The following MYO9A variants were observed in gnomAD, a reference collection of about 807,000 sequenced individuals.
MYO9A encodes myosin IXA, also known as unconventional myosin-IXa.
A neutral mutation model predicts 293.3 loss-of-function variants in MYO9A; 103 were observed. That is an observed-to-expected ratio of 0.35 (90% CI 0.30 to 0.41). The LOEUF (loss-of-function observed/expected upper bound fraction) is 0.41. Among genes scored for constraint, MYO9A ranks in the 10% least tolerant of loss-of-function variants. MYO9A has a pLI of 1.00. For missense variants in MYO9A, 2,685 were observed against 3,033.0 expected, an observed-to-expected ratio of 0.89 and a Z score of 2.69; for synonymous variants, 1,001 against 1,035.7, an observed-to-expected ratio of 0.97 and a Z score of 0.64.
chr15:71,869,104 T>C (rs1156708724), intron 32 of MYO9A, among the ~76,000 whole-genome samples: 2 of 152,176 alleles, frequency 1.3e-5, no homozygotes, highest in Admixed American at 6.5e-5. Context: ...ATCACAGCAA[T>C]TGATTCAGTC....
At position 71,823,651 on chromosome 15, in the gene MYO9A, GC is replaced by G. The variant is rs773282561; in HGVS notation, c.*2928del. 6.6e-6 allele frequency: 1 copy of G among 152,162 alleles called. No individual in the cohort carries two copies. Among genetic ancestry groups the G allele is most frequent in the Non-Finnish European group, 1.5e-5 (1 of 68,036 alleles). 9.4% of individuals were successfully genotyped at this position (152,162 alleles called of 1,614,324 possible). On this transcript the variant is annotated 3_prime_UTR_variant, in exon 42 of 42. Transcript: ENST00000356056. ...ATACAGAATGAAATCACACTTCTCTGCTTTTGTTACATTTTCCATAATAAGT... is the reference window on the plus strand; with the variant it reads ...ATACAGAATGAAATCACACTTCTCTGTTTTGTTACATTTTCCATAATAAGT...
At chr15:72,005,443 T>C (rs1282691768) in intron 8 of MYO9A, among the ~76,000 whole-genome samples, 2 of 152,204 alleles carry the variant, frequency 1.3e-5, no homozygotes, top group African/African-American at 4.8e-5. Flanking sequence ...AGTAAGACCA[T>C]TAGCCACAAT....
intron 32 of MYO9A, among the ~76,000 whole-genome samples, chr15:71,872,626 G>C (rs928348814): frequency 6.6e-6 from 1 of 151,964 alleles, no homozygotes; most frequent in Non-Finnish European, 1.5e-5. Flanking sequence ...ACTTTATTCT[G>C]AATGGATATA....
At chr15:71,924,757 C>A (rs753237484) in intron 18 of MYO9A, among the ~76,000 whole-genome samples, 8 of 151,924 alleles carry the variant, frequency 5.3e-5, no homozygotes, top group Non-Finnish European at 1.0e-4. Flanking sequence ...CCCATCTCTA[C>A]TAACTACAAA....
chr15:71,854,814 GCTTCT>G (rs1474691228), intron 34 of MYO9A, among the ~76,000 whole-genome samples: 1 of 152,206 alleles, frequency 6.6e-6, no homozygotes, highest in Non-Finnish European at 1.5e-5. Context: ...AAGGGCTACA[GCTTCT>G]CCTATCAAAA....
At chr15:71,858,070 C>T (rs1435154929) in intron 34 of MYO9A, among the ~76,000 whole-genome samples, 5 of 152,310 alleles carry the variant, frequency 3.3e-5, no homozygotes, top group Admixed American at 2.6e-4. Flanking sequence ...CCATCTCATA[C>T]CAGCTGGAAT....
At chr15:71,906,764 T>TC (rs2057663868) in intron 19 of MYO9A, among the ~76,000 whole-genome samples, 2 of 114,658 alleles carry the variant, frequency 1.7e-5, no homozygotes, top group African/African-American at 6.9e-5. Context: ...CTTTCTTTTT[T>TC]TTTTTTTTTT....
chr15:72,072,916 C>T (rs753203549), intron 1 of MYO9A, among the ~76,000 whole-genome samples: 5 of 152,146 alleles, frequency 3.3e-5, no homozygotes, highest in Admixed American at 6.5e-5. Context: ...AAAAAAAAGA[C>T]ACCTTCACTC....
chr15:72,104,179 C>T (rs2080488444), intron 1 of MYO9A, among the ~76,000 whole-genome samples: 1 of 152,198 alleles, frequency 6.6e-6, no homozygotes, highest in Non-Finnish European at 1.5e-5. Flanking sequence ...GCAGCTCTCA[C>T]AAGGGTAAAC....
chr15:71,941,289 G>C (rs578051010), intron 15 of MYO9A, among the ~76,000 whole-genome samples: 2 of 152,178 alleles, frequency 1.3e-5, no homozygotes, highest in East Asian at 3.9e-4. Flanking sequence ...ACAAAAATTA[G>C]CCCGGCATGG....
chr15:71,942,250 T>C (rs2058797446), intron 15 of MYO9A, among the ~76,000 whole-genome samples: 1 of 151,936 alleles, frequency 6.6e-6, no homozygotes, highest in South Asian at 2.1e-4. Flanking sequence ...TTTTAGAAAA[T>C]GTAAAACTGA....
chr15:71,826,759 T>A lies in MYO9A; in HGVS notation c.7468A>T (p.Arg2490Ter), dbSNP rs1199794814. 1 of 1,614,160 alleles carries A rather than the reference T, an allele frequency of 6.2e-7. No individual in the cohort carries two copies. Among genetic ancestry groups the A allele is most frequent in the Admixed American group, 1.7e-5 (1 of 60,022 alleles). ...CCCTTTTCCGGGTTGAAGGTTCCTC[T>A]GCTGATGAACTGAGGCTTGTCTTCC... ...FLEDKPQFIS[R>*]GTFNPEKGKQ... Residue 2490 changes from arginine (R) to a stop codon, truncating the protein, a stop_gained, in exon 42 of 42, where the codon AGA (arginine) becomes TGA (stop). Transcript: ENST00000356056. LOFTEE classifies it high-confidence loss of function.
chr15:71,910,797 C>T (rs986127351), intron 19 of MYO9A, among the ~76,000 whole-genome samples: 1 of 152,060 alleles, frequency 6.6e-6, no homozygotes, highest in South Asian at 2.1e-4. Flanking sequence ...AGACTTTTGT[C>T]CATTTGTCTA....
chr15:71,849,053 G>T, intron 38 of MYO9A, 85 bp from the exon 39 acceptor site: 1 of 1,303,666 alleles, frequency 7.7e-7, no homozygotes, highest in Non-Finnish European at 1.0e-6. Flanking sequence ...GTGGTAGACA[G>T]TTGAAAGATG....
chr15:72,080,187 G>A (rs2079496565), intron 1 of MYO9A, among the ~76,000 whole-genome samples: 1 of 151,974 alleles, frequency 6.6e-6, no homozygotes, highest in South Asian at 2.1e-4. Context: ...TAGTGAAGTT[G>A]TAATACAGAA....
intron 39 of MYO9A, among the ~76,000 whole-genome samples, chr15:71,841,406 A>G (rs2141009718): frequency 6.6e-6 from 1 of 152,246 alleles, no homozygotes; most frequent in South Asian, 2.1e-4. Context: ...CCCTGTTTTA[A>G]TAAGAATGTT....
At chr15:71,852,892 G>A (rs1434950871) in intron 35 of MYO9A, among the ~76,000 whole-genome samples, 2 of 152,164 alleles carry the variant, frequency 1.3e-5, no homozygotes, top group Non-Finnish European at 2.9e-5. Context: ...GAGGCCAGGA[G>A]ACAGAAAGCA....
intron 21 of MYO9A, 47 bp downstream of exon 21, chr15:71,903,882 T>A: frequency 6.8e-7 from 1 of 1,476,590 alleles, no homozygotes. Flanking sequence ...GTGGGAATCA[T>A]TTACTTGATG....
chr15:71,923,679 T>C (rs530473113), intron 18 of MYO9A, among the ~76,000 whole-genome samples: 16 of 152,332 alleles, frequency 1.1e-4, no homozygotes, highest in African/African-American at 3.8e-4. Context: ...TGATCCCTTA[T>C]ATTTCTGTAA....
Sources: allele counts gnomAD v4.1 joint callset (sites outside exome capture counted in the v4.1 genomes callset), GRCh38; gene constraint gnomAD v4.1.1; transcripts MANE v1.5; gene names NCBI Gene and HGNC (gene_info 2026-07-23, HGNC 2026-07-21).